The following AGAP1 variants were observed in gnomAD, a reference collection of about 807,000 sequenced individuals.
AGAP1 encodes ArfGAP with GTPase domain, ankyrin repeat and PH domain 1, also known as arf-GAP with GTPase, ANK repeat and PH domain-containing protein 1.
In AGAP1, 29 loss-of-function variants were observed where a neutral mutation model predicts 105.3. The observed-to-expected ratio is 0.28, with a 90% CI of 0.21 to 0.38. The LOEUF (loss-of-function observed/expected upper bound fraction) is 0.38. AGAP1 is among the 10% of genes least tolerant of loss of function. The pLI, the probability that AGAP1 is intolerant of heterozygous loss-of-function variation, is 1.00. For synonymous variants in AGAP1, 509 were observed against 485.9 expected (o/e 1.05, Z -0.63); for missense variants, 998 against 1,165.1 (o/e 0.86, Z 2.09).
At chr2:235,759,448 C>A (rs531992868) in intron 6 of AGAP1, among the ~76,000 whole-genome samples, 4 of 152,174 alleles carry the variant, frequency 2.6e-5, no homozygotes, top group South Asian at 4.1e-4. Flanking sequence ...GGATTACAGG[C>A]GTGAGCCACC....
Position 236,080,930 on chromosome 2 carries a change from T to C in AGAP1, c.2114+31649T>C, listed in dbSNP as rs2058764202. 6.6e-6 allele frequency among the ~76,000 whole-genome samples: 1 copy of C among 152,184 alleles called. No homozygotes were observed. Among genetic ancestry groups the C allele is most frequent in the Admixed American group, 6.5e-5 (1 of 15,286 alleles). On this transcript the variant is annotated intron_variant, in intron 16 of 17. Coordinates refer to ENST00000304032, the MANE Select transcript of AGAP1 (RefSeq NM_001037131.3). The surrounding 1 kb of genome is among the most constrained non-coding windows in gnomAD (Gnocchi z 4.2). ...GGATAATCCAAGATACTCTCCCCTC[T>C]CAAGGGCCTTGTCTTAACCGTATCT...
At chr2:236,115,488 C>T (rs1214348459) in intron 16 of AGAP1, among the ~76,000 whole-genome samples, 1 of 152,212 alleles carries the variant, frequency 6.6e-6, no homozygotes, top group African/African-American at 2.4e-5. Context: ...TTTTCCCTGC[C>T]TTTGGGCATT....
chr2:235,751,456 G>C lies in AGAP1; in HGVS notation c.673+968G>C, dbSNP rs1953432890. On this transcript the variant is annotated intron_variant, in intron 6 of 17. Transcript: ENST00000304032. This position sits in a 1 kb window ranked among gnomAD's most constrained non-coding sequence, Gnocchi z 5.3. ...GCCACACTCGGGCTCTCCAGAGAGT[G>C]CTGGAGCCGCTTCAAGGTGATGGAG... 6.6e-6 allele frequency among the ~76,000 whole-genome samples: 1 copy of C among 152,202 alleles called. No individual in the cohort carries two copies. The highest frequency in any genetic ancestry group is 2.4e-5 in the African/African-American group (1 of 41,454).
chr2:236,125,427 A>G lies in AGAP1; in HGVS notation c.*1305A>G, dbSNP rs1050444919. 2 of 152,418 alleles carry G rather than the reference A, an allele frequency of 1.3e-5. No individual in the cohort carries two copies. The highest frequency in any genetic ancestry group is 2.9e-5 in the Non-Finnish European group (2 of 68,048). The allele number at this position is 152,418 out of a possible 1,614,324, so 9.4% of individuals were successfully genotyped here. On this transcript the variant is annotated 3_prime_UTR_variant, in exon 18 of 18. Coordinates refer to ENST00000304032, the MANE Select transcript of AGAP1 (RefSeq NM_001037131.3). This position sits in a 1 kb window ranked among gnomAD's most constrained non-coding sequence, Gnocchi z 5.2. ...TGATCTACGGCTTTTGAAAAGGAGC[A>G]TCTCAGAATAAGATGGTGGTACAAT... is the stretch of plus-strand genomic sequence containing the variant.
chr2:235,561,346 A>G (rs970435987), intron 1 of AGAP1, among the ~76,000 whole-genome samples: 3 of 152,214 alleles, frequency 2.0e-5, no homozygotes, highest in African/African-American at 2.4e-5. Flanking sequence ...GGGTAAGAAC[A>G]GGAGGGCTTC....
In AGAP1 at chr2:235,701,322, A is replaced by T. The variant is rs865869380; in HGVS notation, c.164-7857A>T. On this transcript the variant is annotated intron_variant, in intron 1 of 17. Transcript: ENST00000304032. The surrounding 1 kb of genome is among the most constrained non-coding windows in gnomAD (Gnocchi z 4.1). Reference sequence around the variant, plus strand: ...AGTCAAATGCTGACGTTGTTGTGACAGATTCTAAGTCGCCTCAGGGCTCAG... The same window carrying T: ...AGTCAAATGCTGACGTTGTTGTGACTGATTCTAAGTCGCCTCAGGGCTCAG... Among the ~76,000 whole-genome samples, 2 of 152,206 alleles carry T rather than the reference A, an allele frequency of 1.3e-5. No individual in the cohort carries two copies. Among genetic ancestry groups the T allele is most frequent in the South Asian group, 2.1e-4 (1 of 4,822 alleles).
rs536341036 is a variant in AGAP1 at position 235,980,232 on chromosome 2, G to A, written c.1645+11609G>A. 1.1e-4 allele frequency among the ~76,000 whole-genome samples: 16 copies of A among 152,300 alleles called. 1 individual carries two copies. Among genetic ancestry groups the A allele is most frequent in the East Asian group, 7.7e-4 (4 of 5,180 alleles). On this transcript the variant is annotated intron_variant, in intron 13 of 17. Transcript: ENST00000304032. Reference sequence around the variant, plus strand: ...ATTATGCATGGCCCCTGTGCTCCTCGAATAGTCGGAAACATTGATGGCTGT... The same window carrying A: ...ATTATGCATGGCCCCTGTGCTCCTCAAATAGTCGGAAACATTGATGGCTGT...
intron 1 of AGAP1, among the ~76,000 whole-genome samples, chr2:235,604,095 T>G (rs1455070056): frequency 6.6e-6 from 1 of 151,578 alleles, no homozygotes; most frequent in Admixed American, 6.6e-5. Flanking sequence ...CCTTTTAATA[T>G]AAATATATCA....
intron 1 of AGAP1, among the ~76,000 whole-genome samples, chr2:235,543,932 C>T (rs147813783): frequency 7.1e-4 from 108 of 152,212 alleles, no homozygotes; most frequent in Middle Eastern, 3.4e-3. Flanking sequence ...CAAGGGCTTG[C>T]GGCAGATAGG....
At chr2:235,921,272 C>T (rs2052169421) in intron 11 of AGAP1, among the ~76,000 whole-genome samples, 1 of 152,044 alleles carries the variant, frequency 6.6e-6, no homozygotes, top group Non-Finnish European at 1.5e-5. Context: ...ATGAAGATTA[C>T]ATAACAACAT....
chr2:235,883,456 A>G lies in AGAP1; in HGVS notation c.1155+7A>G, dbSNP rs959064050. 5.6e-6 allele frequency: 9 copies of G among 1,609,938 alleles called. No individual in the cohort carries two copies. The highest frequency in any genetic ancestry group is 3.3e-5 in the Admixed American group (2 of 59,830). On this transcript the variant is annotated splice_region_variant and intron_variant, in intron 10 of 17. Coordinates refer to ENST00000304032, the MANE Select transcript of AGAP1 (RefSeq NM_001037131.3). This position sits in a 1 kb window ranked among gnomAD's most constrained non-coding sequence, Gnocchi z 4.5. Reference sequence around the variant, plus strand: ...CTATCATCCCAGTTTACATGTGAGTATAGCCCCCTCGGAGCAATTAACAGC... The same window carrying G: ...CTATCATCCCAGTTTACATGTGAGTGTAGCCCCCTCGGAGCAATTAACAGC...
In AGAP1 at chr2:235,536,000, T is replaced by C. The variant is rs952615951; in HGVS notation, c.163+41151T>C. 1.3e-5 allele frequency among the ~76,000 whole-genome samples: 2 copies of C among 152,010 alleles called. No individual in the cohort carries two copies. The highest frequency in any genetic ancestry group is 2.9e-5 in the Non-Finnish European group (2 of 68,012). ...GAGCCGGCCTCACCTTCGAGACTCA[T>C]GCTACTAAGTTGTCTTTCAGTTCCC... On this transcript the variant is annotated intron_variant, in intron 1 of 17. Coordinates refer to ENST00000304032, the MANE Select transcript of AGAP1 (RefSeq NM_001037131.3). The surrounding 1 kb of genome is among the most constrained non-coding windows in gnomAD (Gnocchi z 5.1).
At chr2:235,746,398 TTTTTTTTTTTTTTA>T (rs1386134628) in intron 5 of AGAP1, among the ~76,000 whole-genome samples, 2 of 131,218 alleles carry the variant, frequency 1.5e-5, no homozygotes, top group African/African-American at 2.9e-5. Flanking sequence ...TTTTTTTTTT[TTTTTTTTTTTTTTA>T]AAGCGTACGT....
In AGAP1 at chr2:235,964,141, A is replaced by G. The variant is rs1575906237; in HGVS notation, c.1484-4321A>G. On this transcript the variant is annotated intron_variant, in intron 12 of 17. Coordinates refer to ENST00000304032, the MANE Select transcript of AGAP1 (RefSeq NM_001037131.3). This position sits in a 1 kb window ranked among gnomAD's most constrained non-coding sequence, Gnocchi z 4.6. ...CTAACTGTGGGCTCCGTGGGAGTGT[A>G]GAGATGAGAAATGTTAGTTTGGGAG... Among the ~76,000 whole-genome samples the G allele has an allele frequency of 6.6e-6, 1 of 152,238 alleles. No homozygotes were observed. Among genetic ancestry groups the G allele is most frequent in the East Asian group, 1.9e-4 (1 of 5,176 alleles).
chr2:235,876,086 A>G (rs2049711193), intron 9 of AGAP1, among the ~76,000 whole-genome samples: 1 of 152,016 alleles, frequency 6.6e-6, no homozygotes, highest in African/African-American at 2.4e-5. Context: ...CCTGCAGATA[A>G]TTTTCTCATC....
rs912031975 is a variant in AGAP1 at position 235,535,129 on chromosome 2, C to T, written c.163+40280C>T. 3.3e-5 allele frequency among the ~76,000 whole-genome samples: 5 copies of T among 152,154 alleles called. No homozygotes were observed. The highest frequency in any genetic ancestry group is 2.1e-4 in the South Asian group (1 of 4,826). ...ATTCTCGCCAGGGCCAATACTTATC[C>T]GCAGGGGTGTGTGCCAGGCAGCCCA... is the stretch of plus-strand genomic sequence containing the variant. On this transcript the variant is annotated intron_variant, in intron 1 of 17. Coordinates refer to ENST00000304032, the MANE Select transcript of AGAP1 (RefSeq NM_001037131.3). This position sits in a 1 kb window ranked among gnomAD's most constrained non-coding sequence, Gnocchi z 5.1.
At position 235,981,201 on chromosome 2, in the gene AGAP1, T is replaced by A. The variant is rs1321351255; in HGVS notation, c.1645+12578T>A. 6.6e-6 allele frequency among the ~76,000 whole-genome samples: 1 copy of A among 152,200 alleles called. No homozygotes were observed. Among genetic ancestry groups the A allele is most frequent in the African/African-American group, 2.4e-5 (1 of 41,470 alleles). The stretch of plus-strand genomic sequence containing the variant: ...GGGGCCTGTGGTCACTAAGCTTATA[T>A]GAGGGACGAGAGCCGTAGCATTGCT... On this transcript the variant is annotated intron_variant, in intron 13 of 17. Transcript: ENST00000304032. This position sits in a 1 kb window ranked among gnomAD's most constrained non-coding sequence, Gnocchi z 5.5.
intron 9 of AGAP1, among the ~76,000 whole-genome samples, chr2:235,811,016 G>C (rs1364827422): frequency 6.6e-6 from 1 of 152,166 alleles, no homozygotes; most frequent in South Asian, 2.1e-4. Context: ...GAGCTCCTAT[G>C]GTGCCATTTG....
intron 13 of AGAP1, among the ~76,000 whole-genome samples, chr2:235,987,182 G>A (rs2055351383): frequency 1.3e-5 from 2 of 151,460 alleles, no homozygotes; most frequent in African/African-American, 2.4e-5. Context: ...TTCAGAATTT[G>A]TTATTTGTCT....
Sources: gnomAD v4.1 joint callset for allele counts (sites outside exome capture counted in the v4.1 genomes callset) on GRCh38, gnomAD v4.1.1 for gene constraint, Gnocchi (gnomAD v3.1) non-coding constraint, MANE v1.5 for transcripts, NCBI Gene and HGNC (gene_info 2026-07-23, HGNC 2026-07-21) for gene names.